RNF130: variants seen among roughly 807,000 people sequenced by gnomAD.
RNF130 encodes E3 ubiquitin-protein ligase RNF130.
Under a neutral mutation model 44.6 loss-of-function variants are expected in RNF130, and 21 were observed. The observed-to-expected ratio is 0.47, with a 90% CI of 0.33 to 0.68. The LOEUF (loss-of-function observed/expected upper bound fraction) is 0.68. Ranked by LOEUF, RNF130 falls within the 30% of genes least tolerant of loss-of-function variation. The pLI is 0.02. For missense variants in RNF130, 479 were observed against 560.6 expected (o/e 0.85, Z 1.47); for synonymous variants, 214 against 210.4 (o/e 1.02, Z -0.15).
rs372138788 is a variant in RNF130, at chr5:180,027,045, A to C, written c.442+13408T>G. The stretch of plus-strand genomic sequence containing the variant: ...GGTTTCTCTCCTTTTGACTTTTACC[A>C]GTTCTTACTAGTTCACATCAAAATG... On this transcript the variant is annotated intron_variant, in intron 2 of 8. Coordinates refer to ENST00000521389, the MANE Select transcript of RNF130 (RefSeq NM_018434.6). 1.1e-4 allele frequency among the ~76,000 whole-genome samples: 17 copies of C among 152,320 alleles called. No homozygotes were observed. In the East Asian group the frequency reaches 2.9e-3, roughly 26 times the overall value.
At chr5:180,004,157 C>T (rs1416134462) in intron 3 of RNF130, among the ~76,000 whole-genome samples, 1 of 152,126 alleles carries the variant, frequency 6.6e-6, no homozygotes, top group Non-Finnish European at 1.5e-5. Context: ...TTAAAAAGTG[C>T]TCCAGCCCCT....
chr5:180,029,189 AAATG>A (rs1180742077), intron 2 of RNF130, among the ~76,000 whole-genome samples: 1 of 152,242 alleles, frequency 6.6e-6, no homozygotes, highest in Non-Finnish European at 1.5e-5. Context: ...CTATAACTAA[AAATG>A]ATTGAGAATG....
chr5:180,061,770 A>G (rs1289369596), intron 1 of RNF130, among the ~76,000 whole-genome samples: 1 of 152,186 alleles, frequency 6.6e-6, no homozygotes, highest in African/African-American at 2.4e-5. Context: ...CAGAGATCCT[A>G]TTTCCAAATA....
chr5:179,919,902 A>C, exon 8 of RNF130: 1 of 160,546 alleles, frequency 6.2e-6, no homozygotes, highest in Non-Finnish European at 1.4e-5. Context: ...CCACGCGGGT[A>C]GGAAGCTTCT....
At chr5:180,041,743 G>A (rs1317651684) in intron 1 of RNF130, among the ~76,000 whole-genome samples, 1 of 152,196 alleles carries the variant, frequency 6.6e-6, no homozygotes, top group Admixed American at 6.5e-5. Context: ...AGGGAACACA[G>A]CGCATGGATC....
In RNF130 at chr5:180,040,437, C is replaced by G; in HGVS notation, c.442+16G>C. 2 of 1,600,336 alleles carry G rather than the reference C, an allele frequency of 1.2e-6. No individual in the cohort carries two copies. Among genetic ancestry groups the G allele is most frequent in the Admixed American group, 1.7e-5 (1 of 58,564 alleles). ...TAAGAAGAAAAACAAAATCAACAAC[C>G]CTCATTTTTGTTTACCTGGATGAGT... On this transcript the variant is annotated intron_variant, in intron 2 of 8. Transcript: ENST00000521389.
At chr5:180,044,831 CAA>C (rs1009813356) in intron 1 of RNF130, among the ~76,000 whole-genome samples, 1 of 137,034 alleles carries the variant, frequency 7.3e-6, no homozygotes. Context: ...GACTCCGTCT[CAA>C]AAAAAAAAAA....
At chr5:180,040,242 T>C (rs1420947868) in intron 2 of RNF130, among the ~76,000 whole-genome samples, 1 of 152,166 alleles carries the variant, frequency 6.6e-6, no homozygotes. Context: ...AGTTATTTAA[T>C]AAGTCCAAGC....
intron 1 of RNF130, among the ~76,000 whole-genome samples, chr5:180,068,566 A>C (rs994150888): frequency 6.6e-6 from 1 of 152,252 alleles, no homozygotes; most frequent in Non-Finnish European, 1.5e-5. Context: ...AAAATACCAA[A>C]GTGCCTAAGA....
chr5:180,048,294 G>A (rs150186685), intron 1 of RNF130, among the ~76,000 whole-genome samples: 13 of 152,222 alleles, frequency 8.5e-5, no homozygotes, highest in Non-Finnish European at 1.9e-4. Context: ...TCTGTAGTCC[G>A]GTTTACGGCA....
chr5:179,970,350 T>A (rs949253608), intron 6 of RNF130, 60 bp downstream of exon 6: 15 of 1,222,154 alleles, frequency 1.2e-5, no homozygotes, highest in Non-Finnish European at 1.6e-5. Flanking sequence ...TATGTTATAT[T>A]GTATTACACA....
At position 180,069,236 on chromosome 5, in the gene RNF130, G is replaced by C. The variant is rs545400855; in HGVS notation, c.247+2220C>G. On this transcript the variant is annotated intron_variant, in intron 1 of 8. Coordinates refer to ENST00000521389, the MANE Select transcript of RNF130 (RefSeq NM_018434.6). ...CCCAGCAGAAGCTATGCTTCATAGA[G>C]ACGGATTTTTTTAAATCTGTTTTGT... Among the ~76,000 whole-genome samples, 12 of 152,290 alleles carry C rather than the reference G, an allele frequency of 7.9e-5. No individual in the cohort carries two copies. The South Asian group carries it at 2.1e-3, about 26-fold the overall frequency.
intron 2 of RNF130, among the ~76,000 whole-genome samples, chr5:180,014,180 C>T (rs970276127): frequency 3.3e-5 from 5 of 152,342 alleles, no homozygotes; most frequent in African/African-American, 1.2e-4. Context: ...CTTATAGTTA[C>T]CTAGACCTTT....
chr5:180,070,940 A>G (rs1367772580), intron 1 of RNF130, among the ~76,000 whole-genome samples: 1 of 152,040 alleles, frequency 6.6e-6, no homozygotes, highest in Non-Finnish European at 1.5e-5. Context: ...GGCAAGAACA[A>G]GAGCCAAAAG....
At chr5:180,037,021 T>C (rs1421762866) in intron 2 of RNF130, among the ~76,000 whole-genome samples, 2 of 152,236 alleles carry the variant, frequency 1.3e-5, no homozygotes, top group African/African-American at 4.8e-5. Context: ...TGCATTTTAA[T>C]TGTATTCAAA....
In RNF130 at chr5:180,044,550, A is replaced by G. The variant is rs895382168; in HGVS notation, c.248-3903T>C. On this transcript the variant is annotated intron_variant, in intron 1 of 8. Coordinates refer to ENST00000521389, the MANE Select transcript of RNF130 (RefSeq NM_018434.6). ...CTCTTGACTCTTAAAGAGCCTCCAC[A>G]TGGCCGGGCGCGGTGGCTCACGCTT... Among the ~76,000 whole-genome samples the G allele has an allele frequency of 3.3e-5, 5 of 152,232 alleles. No homozygotes were observed. The East Asian group carries it at 5.8e-4, about 18-fold the overall frequency.
chr5:179,949,184 C>T (rs1041034973), intron 7 of RNF130, among the ~76,000 whole-genome samples: 1 of 151,962 alleles, frequency 6.6e-6, no homozygotes, highest in South Asian at 2.1e-4. Flanking sequence ...AGGCTGATCT[C>T]GAACTCCTGA....
intron 6 of RNF130, among the ~76,000 whole-genome samples, chr5:179,968,213 TG>T (rs1407920614): frequency 5.9e-5 from 9 of 152,058 alleles, no homozygotes; most frequent in Non-Finnish European, 1.0e-4. Flanking sequence ...GAGAATGGCA[TG>T]AACCCAGGAG....
chr5:179,998,173 T>C (rs1003345508), intron 3 of RNF130, among the ~76,000 whole-genome samples: 1 of 152,218 alleles, frequency 6.6e-6, no homozygotes, highest in Non-Finnish European at 1.5e-5. Flanking sequence ...AGATGCTTCA[T>C]TAGATTGTTT....
Sources: allele counts gnomAD v4.1 joint callset (sites outside exome capture counted in the v4.1 genomes callset), GRCh38; gene constraint gnomAD v4.1.1; transcripts MANE v1.5; gene names NCBI Gene and HGNC (gene_info 2026-07-23, HGNC 2026-07-21).